Variants in GUCY2F observed in about 807,000 individuals in gnomAD.
GUCY2F encodes the protein guanylate cyclase 2F, retinal.
Under a neutral mutation model 73.1 loss-of-function variants are expected in GUCY2F, and 61 were observed. The ratio of observed to expected loss-of-function variants is 0.83; its 90% CI spans 0.68 to 1.03. GUCY2F has a LOEUF of 1.03. Among genes scored for constraint, GUCY2F ranks in the 50% least tolerant of loss-of-function variants. GUCY2F has a pLI of 0.00. For missense variants in GUCY2F, 912 were observed against 854.3 expected (o/e 1.07, Z -0.84); for synonymous variants, 331 against 307.8 (o/e 1.08, Z -0.79).
intron 1 of GUCY2F, among the ~76,000 whole-genome samples, chrX:109,481,413 C>A (rs1932764818): frequency 9.0e-6 from 1 of 111,730 alleles, no homozygotes; most frequent in East Asian, 2.8e-4. Context: ...TTTTTACAAT[C>A]TGATGGGAAG....
At chrX:109,426,134 G>C (rs1298987370) in intron 8 of GUCY2F, among the ~76,000 whole-genome samples, 1 of 112,004 alleles carries the variant, frequency 8.9e-6, no homozygotes, top group African/African-American at 3.2e-5. Context: ...GTTAAGAGTT[G>C]GGATCATACA....
At position 109,376,083 on chromosome X, in the gene GUCY2F, C is replaced by T; in HGVS notation, c.3235G>A (p.Asp1079Asn). 8.4e-7 allele frequency: 1 copy of T among 1,195,191 alleles called. No homozygotes were observed. The highest frequency in any genetic ancestry group is 1.1e-6 in the Non-Finnish European group (1 of 880,204). Reference protein sequence around the residue: ...PLPVPPPVDKDGQVGHGLQPV... With the variant: ...PLPVPPPVDKNGQVGHGLQPV... ...TTAAATGTGAACTCCACTTACCCAT[C>T]TTTGTCCACTGGTGGGGGCACAGGA... The change falls in exon 18 of 20, where the codon GAT (aspartate) becomes AAT (asparagine). Residue 1079 changes from aspartate (D) to asparagine (N), a missense_variant. Asp to Asn is a conservative substitution (Grantham distance 23, BLOSUM62 1). Coordinates refer to ENST00000218006, the MANE Select transcript of GUCY2F (RefSeq NM_001522.3).
At position 109,376,330 on chromosome X, in the gene GUCY2F, G is replaced by A. The variant is rs544531691; in HGVS notation, c.3151-163C>T. ...AGATGAAAAGTGAACACTATATCAA[G>A]CTGTCATCCAGATGTTTTGTCTACC... On this transcript the variant is annotated intron_variant, in intron 17 of 19. Coordinates refer to ENST00000218006, the MANE Select transcript of GUCY2F (RefSeq NM_001522.3). 3.6e-5 allele frequency among the ~76,000 whole-genome samples: 4 copies of A among 112,415 alleles called. No individual in the cohort carries two copies. In the Admixed American group the frequency reaches 3.7e-4, roughly 11 times the overall value.
At chrX:109,466,150 G>A (rs1476857688) in intron 2 of GUCY2F, among the ~76,000 whole-genome samples, 1 of 111,403 alleles carries the variant, frequency 9.0e-6, no homozygotes, top group Non-Finnish European at 1.9e-5. Flanking sequence ...GAAGACCAGA[G>A]GTGCTTCAGA....
chrX:109,373,789 A>T (rs1930113025), intron 19 of GUCY2F, among the ~76,000 whole-genome samples: 1 of 112,759 alleles, frequency 8.9e-6, no homozygotes, highest in South Asian at 3.6e-4. Context: ...CCCAAAATTA[A>T]CCTCAGTAGG....
chrX:109,403,302 C>A (rs1055376533), intron 10 of GUCY2F, among the ~76,000 whole-genome samples: 4 of 110,877 alleles, frequency 3.6e-5, no homozygotes, highest in Non-Finnish European at 7.5e-5. Context: ...TTAGTGCTAC[C>A]ACTGGTGCAC....
At chrX:109,464,736 T>C (rs896343756) in intron 3 of GUCY2F, among the ~76,000 whole-genome samples, 5 of 112,541 alleles carry the variant, frequency 4.4e-5, no homozygotes, top group Non-Finnish European at 9.4e-5. Context: ...CATCCTCCAA[T>C]ACCAGTGTTA....
chrX:109,393,557 C>T (rs963072842), intron 12 of GUCY2F, among the ~76,000 whole-genome samples: 1 of 111,319 alleles, frequency 9.0e-6, no homozygotes. Flanking sequence ...ACAGAGGGCT[C>T]AAGATCCACG....
chrX:109,458,904 A>C (rs777042803), intron 3 of GUCY2F, among the ~76,000 whole-genome samples: 29 of 111,463 alleles, frequency 2.6e-4, no homozygotes, highest in South Asian at 1.1e-3. Flanking sequence ...AGTAAACTTA[A>C]GGCAGTCTGC....
At chrX:109,383,358 T>C (rs1930364682) in intron 16 of GUCY2F, 1 of 657,988 alleles carries the variant, frequency 1.5e-6, no homozygotes. Context: ...AGATAGCTCA[T>C]ACCAACCACC....
chrX:109,454,443 A>C (rs1488740671), intron 3 of GUCY2F, among the ~76,000 whole-genome samples: 2 of 111,820 alleles, frequency 1.8e-5, no homozygotes, highest in Non-Finnish European at 3.8e-5. Flanking sequence ...ATGCACACGC[A>C]GACATCCACC....
chrX:109,399,281 T>C (rs971462685), intron 10 of GUCY2F, among the ~76,000 whole-genome samples: 1 of 112,613 alleles, frequency 8.9e-6, no homozygotes, highest in Non-Finnish European at 1.9e-5. Context: ...ACAGAGGTGG[T>C]GCTAGAGATG....
At position 109,421,418 on chromosome X, in the gene GUCY2F, A is replaced by G. The variant is rs1004294830; in HGVS notation, c.1791+8889T>C. 7.2e-5 allele frequency among the ~76,000 whole-genome samples: 8 copies of G among 111,596 alleles called. 1 individual carries two copies. The highest frequency in any genetic ancestry group is 9.5e-5 in the Admixed American group (1 of 10,494). ...TATTACTCAGCCTTAAAAAGGAAGGAAATCCTGTCACATGCTACAACATGA... is the reference window on the plus strand; with the variant it reads ...TATTACTCAGCCTTAAAAAGGAAGGGAATCCTGTCACATGCTACAACATGA... On this transcript the variant is annotated intron_variant, in intron 8 of 19. Transcript: ENST00000218006.
rs757815831 is a variant in GUCY2F at position 109,475,487 on chromosome X, A to G, written c.450T>C (p.Ala150=). Residue 150 remains alanine (A), a synonymous_variant, in exon 2 of 20, where the codon GCT becomes GCC. Transcript: ENST00000218006. ...NSWDKGIFSW[A]CVNYELDNKI... ...TATTGTCTAATTCATAATTCACACAAGCCCAAGAGAAAATTCCTTTGTCCC... is the reference window on the plus strand; with the variant it reads ...TATTGTCTAATTCATAATTCACACAGGCCCAAGAGAAAATTCCTTTGTCCC... 7 of 1,211,407 alleles carry G rather than the reference A, an allele frequency of 5.8e-6. No homozygotes were observed. Among genetic ancestry groups the G allele is most frequent in the Non-Finnish European group, 7.8e-6 (7 of 895,135 alleles).
At chrX:109,434,623 T>C (rs1310695414) in intron 7 of GUCY2F, among the ~76,000 whole-genome samples, 1 of 110,144 alleles carries the variant, frequency 9.1e-6, no homozygotes, top group Admixed American at 9.7e-5. Context: ...AGAAGCTCTT[T>C]AGTTTAATTA....
At chrX:109,442,173 G>C (rs1931888938) in intron 6 of GUCY2F, among the ~76,000 whole-genome samples, 1 of 111,806 alleles carries the variant, frequency 8.9e-6, no homozygotes, top group Non-Finnish European at 1.9e-5. Flanking sequence ...ACAGTTGAAT[G>C]ACAAGAGGAA....
chrX:109,408,555 A>C (rs1051278196), intron 9 of GUCY2F, among the ~76,000 whole-genome samples: 1 of 112,183 alleles, frequency 8.9e-6, no homozygotes, highest in African/African-American at 3.2e-5. Flanking sequence ...GTCCCCACCC[A>C]AATCTCAACT....
chrX:109,387,114 T>G (rs1969682519), intron 15 of GUCY2F, among the ~76,000 whole-genome samples: 1 of 111,418 alleles, frequency 9.0e-6, no homozygotes, highest in Non-Finnish European at 1.9e-5. Flanking sequence ...GAGGCAAGAG[T>G]GAAAGCAAGA....
chrX:109,445,131 A>T (rs1238420025), intron 6 of GUCY2F, among the ~76,000 whole-genome samples: 1 of 111,721 alleles, frequency 9.0e-6, no homozygotes, highest in Non-Finnish European at 1.9e-5. Flanking sequence ...ATCTGGGACT[A>T]CATGTCATCT....
Sources: allele counts gnomAD v4.1 joint callset (sites outside exome capture counted in the v4.1 genomes callset), GRCh38; gene constraint gnomAD v4.1.1; transcripts MANE v1.5; gene names NCBI Gene and HGNC (gene_info 2026-07-23, HGNC 2026-07-21).